The following SLC35F3 variants were observed in gnomAD, a reference collection of about 807,000 sequenced individuals.
The protein encoded by SLC35F3 is solute carrier family 35 member F3, also known as putative thiamine transporter SLC35F3.
A neutral mutation model predicts 49.9 loss-of-function variants in SLC35F3; 25 were observed. That is an observed-to-expected ratio of 0.50 (90% CI 0.37 to 0.70). SLC35F3 has a LOEUF of 0.70. SLC35F3 is among the 30% of genes least tolerant of loss of function. The pLI is 0.00. For missense variants in SLC35F3, 525 were observed against 639.8 expected (o/e 0.82, Z 1.94); for synonymous variants, 275 against 265.4 (o/e 1.04, Z -0.35).
At chr1:234,186,545 C>T (rs1666645974) in intron 2 of SLC35F3, among the ~76,000 whole-genome samples, 1 of 152,170 alleles carries the variant, frequency 6.6e-6, no homozygotes, top group African/African-American at 2.4e-5. Context: ...AACCTGGCAC[C>T]TCATTTGAGG....
At chr1:234,111,813 G>T (rs1276995179) in intron 2 of SLC35F3, among the ~76,000 whole-genome samples, 2 of 152,202 alleles carry the variant, frequency 1.3e-5, no homozygotes, top group African/African-American at 4.8e-5. Flanking sequence ...AAGAAAAGAA[G>T]ACTTTTTTAA....
Position 234,229,548 on chromosome 1 carries a change from A to G in SLC35F3, c.284-1869A>G, listed in dbSNP as rs374304496. ...TAATTTGCTATAATGAAAACATTCA[A>G]TGAAGAAACATGCTGTGAGCTGAAT... On this transcript the variant is annotated intron_variant, in intron 2 of 7. Transcript: ENST00000366618. 4.6e-5 allele frequency among the ~76,000 whole-genome samples: 7 copies of G among 152,354 alleles called. No individual in the cohort carries two copies. The East Asian group carries it at 1.3e-3, about 29-fold the overall frequency.
intron 2 of SLC35F3, among the ~76,000 whole-genome samples, chr1:233,951,354 C>T (rs952587720): frequency 6.6e-6 from 1 of 151,960 alleles, no homozygotes; most frequent in Non-Finnish European, 1.5e-5. Flanking sequence ...TCTAGGCCTT[C>T]ACGTTCACCC....
intron 2 of SLC35F3, among the ~76,000 whole-genome samples, chr1:234,037,405 C>A (rs954502219): frequency 6.6e-6 from 1 of 152,192 alleles, no homozygotes; most frequent in Non-Finnish European, 1.5e-5. Context: ...AAACACCTGC[C>A]ACCAGGCCCC....
In SLC35F3 at chr1:234,063,181, G is replaced by A. The variant is rs188514722; in HGVS notation, c.283+157423G>A. Among the ~76,000 whole-genome samples, 11 of 152,180 alleles carry A rather than the reference G, an allele frequency of 7.2e-5. No individual in the cohort carries two copies. In the East Asian group the frequency reaches 1.5e-3, roughly 21 times the overall value. Reference sequence around the variant, plus strand: ...TGAGGGTTGGGCTGCTCTTTCTCATGGCCCAGTGAGGAGTTACAGATGAAC... The same window carrying A: ...TGAGGGTTGGGCTGCTCTTTCTCATAGCCCAGTGAGGAGTTACAGATGAAC... On this transcript the variant is annotated intron_variant, in intron 2 of 7. Coordinates refer to ENST00000366618, the MANE Select transcript of SLC35F3 (RefSeq NM_173508.4).
intron 2 of SLC35F3, among the ~76,000 whole-genome samples, chr1:234,179,189 C>T (rs1282354825): frequency 6.6e-6 from 1 of 152,132 alleles, no homozygotes; most frequent in Non-Finnish European, 1.5e-5. Flanking sequence ...GAATAGAACT[C>T]CTACGCCGAG....
At chr1:234,281,084 C>T (rs1436736814) in intron 3 of SLC35F3, among the ~76,000 whole-genome samples, 2 of 150,824 alleles carry the variant, frequency 1.3e-5, no homozygotes, top group African/African-American at 4.9e-5. Flanking sequence ...AATTGTGTCC[C>T]CCCCCCATGC....
intron 2 of SLC35F3, among the ~76,000 whole-genome samples, chr1:234,201,289 TAAACATTTTGCAGTG>T (rs1223605706): frequency 6.6e-6 from 1 of 152,232 alleles, no homozygotes; most frequent in Non-Finnish European, 1.5e-5. Context: ...GGGCTGTAGC[TAAACATTTTGCAGTG>T]AAAGTGATTT....
chr1:234,055,116 G>T (rs1467873881), intron 2 of SLC35F3, among the ~76,000 whole-genome samples: 1 of 152,312 alleles, frequency 6.6e-6, no homozygotes, highest in Non-Finnish European at 1.5e-5. Flanking sequence ...GAGGCAGTCT[G>T]TAGGTTCTCA....
chr1:234,046,556 G>A lies in SLC35F3; in HGVS notation c.283+140798G>A, dbSNP rs1048719942. Among the ~76,000 whole-genome samples the A allele has an allele frequency of 2.0e-5, 3 of 151,880 alleles. No homozygotes were observed. Among genetic ancestry groups the A allele is most frequent in the African/African-American group, 7.3e-5 (3 of 41,376 alleles). ...ATCTCCCTTGCTGTGGTTTTTATTT[G>A]CACTTTGTTTGTGAGGTCTTTTTTG... On this transcript the variant is annotated intron_variant, in intron 2 of 7. Transcript: ENST00000366618. This position sits in a 1 kb window ranked among gnomAD's most constrained non-coding sequence, Gnocchi z 4.4.
chr1:234,304,891 A>G (rs1202954179), intron 3 of SLC35F3, among the ~76,000 whole-genome samples: 1 of 152,246 alleles, frequency 6.6e-6, no homozygotes, highest in Non-Finnish European at 1.5e-5. Flanking sequence ...AGAAGGAAAA[A>G]AGAAAATTAG....
chr1:234,162,274 G>A (rs887872134), intron 2 of SLC35F3, among the ~76,000 whole-genome samples: 5 of 142,412 alleles, frequency 3.5e-5, no homozygotes, highest in African/African-American at 1.3e-4. Flanking sequence ...CCTCCCTCTT[G>A]GAGAAGCTCA....
chr1:234,004,725 A>C (rs1663604848), intron 2 of SLC35F3, among the ~76,000 whole-genome samples: 1 of 152,170 alleles, frequency 6.6e-6, no homozygotes. Context: ...AAGAGCTGTC[A>C]TTTATTTCTG....
At chr1:233,928,800 A>G (rs1385107477) in intron 2 of SLC35F3, among the ~76,000 whole-genome samples, 1 of 152,164 alleles carries the variant, frequency 6.6e-6, no homozygotes, top group Non-Finnish European at 1.5e-5. Flanking sequence ...TCCGAAAATA[A>G]TGCAGGGTGG....
intron 3 of SLC35F3, among the ~76,000 whole-genome samples, chr1:234,277,159 A>C (rs1410209495): frequency 6.6e-6 from 1 of 152,254 alleles, no homozygotes; most frequent in African/African-American, 2.4e-5. Context: ...CATCATCCAC[A>C]GTCCAATGAG....
Position 234,279,207 on chromosome 1 carries a change from G to A in SLC35F3, c.609-29894G>A, listed in dbSNP as rs138498044. On this transcript the variant is annotated intron_variant, in intron 3 of 7. Coordinates refer to ENST00000366618, the MANE Select transcript of SLC35F3 (RefSeq NM_173508.4). Reference sequence around the variant, plus strand: ...GGTCATAGGCAGATAAGAGACAAATGGTTACATTCTTTTGAGTTTCTGATG... The same window carrying A: ...GGTCATAGGCAGATAAGAGACAAATAGTTACATTCTTTTGAGTTTCTGATG... 1.4e-4 allele frequency among the ~76,000 whole-genome samples: 21 copies of A among 152,240 alleles called. 1 individual carries two copies. In the East Asian group the frequency reaches 3.9e-3, roughly 28 times the overall value.
intron 3 of SLC35F3, among the ~76,000 whole-genome samples, chr1:234,244,412 G>A (rs1247013124): frequency 6.6e-6 from 1 of 152,106 alleles, no homozygotes; most frequent in Non-Finnish European, 1.5e-5. Flanking sequence ...GGCAGTGGTG[G>A]TGATATCAAT....
chr1:234,082,504 T>C (rs927192455), intron 2 of SLC35F3, among the ~76,000 whole-genome samples: 3 of 152,230 alleles, frequency 2.0e-5, no homozygotes, highest in African/African-American at 7.2e-5. Flanking sequence ...GTCATTTATG[T>C]AAAGACTGTG....
intron 2 of SLC35F3, among the ~76,000 whole-genome samples, chr1:234,096,622 G>C (rs1263551750): frequency 6.6e-6 from 1 of 152,186 alleles, no homozygotes; most frequent in South Asian, 2.1e-4. Flanking sequence ...CCCAGAGCCA[G>C]TGGTGAGAGG....
Sources: gnomAD v4.1 joint callset for allele counts (sites outside exome capture counted in the v4.1 genomes callset) on GRCh38, gnomAD v4.1.1 for gene constraint, Gnocchi (gnomAD v3.1) non-coding constraint, MANE v1.5 for transcripts, NCBI Gene and HGNC (gene_info 2026-07-23, HGNC 2026-07-21) for gene names.